The following ATP9B variants were observed in gnomAD, a reference collection of about 807,000 sequenced individuals.
ATP9B encodes the protein ATPase phospholipid transporting 9B.
Under a neutral mutation model 146.1 loss-of-function variants are expected in ATP9B, and 110 were observed. The observed-to-expected ratio is 0.75, with a 90% CI of 0.65 to 0.88. The LOEUF is 0.88. Ranked by LOEUF, ATP9B falls within the 40% of genes least tolerant of loss-of-function variation. The pLI, the probability that ATP9B is intolerant of heterozygous loss-of-function variation, is 0.00. For synonymous variants in ATP9B, 604 were observed against 569.7 expected (o/e 1.06, Z -0.86); for missense variants, 1,499 against 1,496.4 (o/e 1.00, Z -0.03).
intron 12 of ATP9B, among the ~76,000 whole-genome samples, chr18:79,258,527 A>G (rs1405277992): frequency 6.6e-6 from 1 of 152,238 alleles, no homozygotes; most frequent in Non-Finnish European, 1.5e-5. Flanking sequence ...ATGTGTTTAT[A>G]CAGACTTACA....
At chr18:79,190,549 T>C (rs369704849) in intron 8 of ATP9B, among the ~76,000 whole-genome samples, 7,468 of 111,988 alleles carry the variant, frequency 0.067, 208 homozygotes, top group African/African-American at 0.09. Flanking sequence ...CACACACATA[T>C]ACATATATTT....
intron 1 of ATP9B, chr18:79,085,016 A>G (rs897781417): frequency 6.6e-6 from 1 of 152,192 alleles, no homozygotes; most frequent in African/African-American, 2.4e-5. Flanking sequence ...AAAAAAAAAA[A>G]AAAGGTTTAA....
rs561985593 is a variant in ATP9B, at chr18:79,180,268, C to T, written c.873+3361C>T. On this transcript the variant is annotated intron_variant, in intron 8 of 29. Coordinates refer to ENST00000426216, the MANE Select transcript of ATP9B (RefSeq NM_198531.5). ...TTAATGTGGTTGAGCGGAAGTCAGTCATTTGACTCTGTAGGTTCTACTTAT... is the reference window on the plus strand; with the variant it reads ...TTAATGTGGTTGAGCGGAAGTCAGTTATTTGACTCTGTAGGTTCTACTTAT... Among the ~76,000 whole-genome samples the T allele has an allele frequency of 6.6e-5, 10 of 152,262 alleles. No individual in the cohort carries two copies. The South Asian group carries it at 2.1e-3, about 32-fold the overall frequency.
chr18:79,266,086 C>G (rs928725633), intron 12 of ATP9B, among the ~76,000 whole-genome samples: 3 of 152,204 alleles, frequency 2.0e-5, no homozygotes, highest in South Asian at 2.1e-4. Flanking sequence ...TATTCTGTTT[C>G]ATTCATCCTT....
At position 79,154,569 on chromosome 18, in the gene ATP9B, T is replaced by TA; in HGVS notation, c.778+21dup. The TA allele has an allele frequency of 6.6e-7, 1 of 1,505,828 alleles. No individual in the cohort carries two copies. The highest frequency in any genetic ancestry group is 8.9e-7 in the Non-Finnish European group (1 of 1,128,146). The allele number at this position is 1,505,828 out of a possible 1,614,324, so 93.3% of individuals were successfully genotyped here. A position where few individuals can be genotyped will look rare whatever the true frequency, so the allele number is the denominator to read the frequency against. On this transcript the variant is annotated intron_variant, in intron 7 of 29. Coordinates refer to ENST00000426216, the MANE Select transcript of ATP9B (RefSeq NM_198531.5). ...CAGAAAAAGCAGGTATTTTTACATT[T>TA]AAAAAAACTTACCTAACTGTATATT...
At chr18:79,193,653 T>C (rs534808082) in intron 9 of ATP9B, among the ~76,000 whole-genome samples, 34 of 152,202 alleles carry the variant, frequency 2.2e-4, no homozygotes, top group Non-Finnish European at 4.0e-4. Context: ...ATGTTGTGTT[T>C]CTTTATACAC....
rs551419141 is a variant in ATP9B at position 79,080,340 on chromosome 18, CT to C, written c.119+10813del. Among the ~76,000 whole-genome samples the C allele has an allele frequency of 1.4e-3, 219 of 152,194 alleles. 3 individuals are homozygous for C. The highest frequency in any genetic ancestry group is 5.0e-3 in the African/African-American group (206 of 41,508). ...CCTTGAGCAGTGGTTTGTAGTTCTC[CT>C]TGAAGAAGTCCTTCACATCCCTTAT... On this transcript the variant is annotated intron_variant, in intron 1 of 29. Coordinates refer to ENST00000426216, the MANE Select transcript of ATP9B (RefSeq NM_198531.5).
At chr18:79,102,226 T>C (rs2075332745) in intron 2 of ATP9B, among the ~76,000 whole-genome samples, 1 of 152,226 alleles carries the variant, frequency 6.6e-6, no homozygotes, top group Admixed American at 6.5e-5. Flanking sequence ...GTTTTTAATT[T>C]TGGTGAGGTC....
intron 3 of ATP9B, 28 bp downstream of exon 3, chr18:79,110,533 G>C: frequency 1.3e-6 from 2 of 1,583,698 alleles, no homozygotes; most frequent in Non-Finnish European, 1.7e-6. Context: ...TTGGAGATGG[G>C]TTGTGTGTCA....
At chr18:79,165,471 T>C (rs1462323919) in intron 7 of ATP9B, among the ~76,000 whole-genome samples, 3 of 152,266 alleles carry the variant, frequency 2.0e-5, no homozygotes, top group Non-Finnish European at 4.4e-5. Context: ...ACAGTGTCTC[T>C]AGAAGTTGCC....
intron 12 of ATP9B, among the ~76,000 whole-genome samples, chr18:79,261,577 G>A (rs2096142368): frequency 6.6e-6 from 1 of 152,072 alleles, no homozygotes. Flanking sequence ...AGTCCAGGAG[G>A]AAACAGCTCT....
At chr18:79,139,367 G>T (rs1045616201) in intron 5 of ATP9B, among the ~76,000 whole-genome samples, 1 of 152,154 alleles carries the variant, frequency 6.6e-6, no homozygotes, top group African/African-American at 2.4e-5. Context: ...CAGCTGCAGT[G>T]CTGTGGATGT....
intron 1 of ATP9B, among the ~76,000 whole-genome samples, chr18:79,089,351 C>G (rs2074120385): frequency 6.6e-6 from 1 of 152,166 alleles, no homozygotes; most frequent in Admixed American, 6.5e-5. Flanking sequence ...AAATTAAACC[C>G]CTTCCTGTTG....
chr18:79,133,384 A>G (rs1419062621), intron 5 of ATP9B, among the ~76,000 whole-genome samples: 1 of 152,178 alleles, frequency 6.6e-6, no homozygotes, highest in Non-Finnish European at 1.5e-5. Context: ...CTTTTGCACC[A>G]ACCTGTATTT....
intron 15 of ATP9B, among the ~76,000 whole-genome samples, chr18:79,321,796 CTAAA>C (rs1299209245): frequency 6.6e-6 from 1 of 152,142 alleles, no homozygotes; most frequent in East Asian, 1.9e-4. Flanking sequence ...CAAGCATAAA[CTAAA>C]TAATAAACAG....
At chr18:79,093,005 T>G (rs1466749363) in intron 1 of ATP9B, among the ~76,000 whole-genome samples, 2 of 152,182 alleles carry the variant, frequency 1.3e-5, no homozygotes, top group Non-Finnish European at 2.9e-5. Context: ...TATGAATGAC[T>G]GGTAGCACAA....
intron 1 of ATP9B, among the ~76,000 whole-genome samples, chr18:79,074,854 T>A (rs1262272097): frequency 6.6e-6 from 1 of 152,244 alleles, no homozygotes. Flanking sequence ...CATTATTTTC[T>A]GAAGTTGGGT....
intron 9 of ATP9B, among the ~76,000 whole-genome samples, chr18:79,200,883 A>C (rs1051434889): frequency 6.8e-6 from 1 of 148,086 alleles, no homozygotes; most frequent in African/African-American, 2.5e-5. Flanking sequence ...TGAGGCTCCC[A>C]CACCCTTTTA....
At chr18:79,169,901 T>A (rs2095043218) in intron 7 of ATP9B, among the ~76,000 whole-genome samples, 2 of 152,220 alleles carry the variant, frequency 1.3e-5, no homozygotes, top group Non-Finnish European at 1.5e-5. Context: ...TTACCTATTT[T>A]TTCATTTTAA....
Sources: gnomAD v4.1 joint callset for allele counts (sites outside exome capture counted in the v4.1 genomes callset) on GRCh38, gnomAD v4.1.1 for gene constraint, MANE v1.5 for transcripts, NCBI Gene and HGNC (gene_info 2026-07-23, HGNC 2026-07-21) for gene names.